Variants in WWOX observed in about 807,000 individuals in gnomAD.
WWOX encodes the protein WW domain containing oxidoreductase, also known as WW domain-containing oxidoreductase.
Under a neutral mutation model 46.2 loss-of-function variants are expected in WWOX, and 69 were observed. The ratio of observed to expected loss-of-function variants is 1.49; its 90% CI spans 1.23 to 1.82. WWOX has a LOEUF of 1.82. Among genes scored for constraint, WWOX ranks in the 40% most tolerant of loss-of-function variants. WWOX has a pLI of 0.00. For synonymous variants in WWOX, 359 were observed against 202.6 expected, an observed-to-expected ratio of 1.77 and a Z score of -6.56; for missense variants, 919 against 542.6, an observed-to-expected ratio of 1.69 and a Z score of -6.89.
intron 3 of WWOX, among the ~76,000 whole-genome samples, chr16:78,112,944 G>A (rs1028846818): frequency 2.6e-5 from 4 of 151,944 alleles, no homozygotes; most frequent in South Asian, 4.1e-4. Context: ...GGCCTTCAGC[G>A]ATCCTCCTGC....
At chr16:78,607,268 T>C (rs928931876) in intron 8 of WWOX, among the ~76,000 whole-genome samples, 13 of 152,212 alleles carry the variant, frequency 8.5e-5, no homozygotes, top group African/African-American at 3.1e-4. Context: ...TTTAATAAAC[T>C]ATATTAAAAA....
At chr16:78,667,985 A>T (rs2047372301) in intron 8 of WWOX, among the ~76,000 whole-genome samples, 1 of 151,832 alleles carries the variant, frequency 6.6e-6, no homozygotes, top group Non-Finnish European at 1.5e-5. Context: ...AGCCATCAAA[A>T]CCATACAACT....
At chr16:78,592,097 TC>T (rs928511720) in intron 8 of WWOX, among the ~76,000 whole-genome samples, 12 of 152,270 alleles carry the variant, frequency 7.9e-5, no homozygotes, top group African/African-American at 2.6e-4. Context: ...TCAGCTGCAG[TC>T]AATATCCATT....
At chr16:78,137,147 A>T (rs2033823906) in intron 4 of WWOX, among the ~76,000 whole-genome samples, 1 of 152,326 alleles carries the variant, frequency 6.6e-6, no homozygotes, top group Non-Finnish European at 1.5e-5. Flanking sequence ...CCAGAAAGAC[A>T]CATCTGAAAT....
intron 8 of WWOX, among the ~76,000 whole-genome samples, chr16:78,746,166 C>G (rs2049343007): frequency 6.6e-6 from 1 of 152,136 alleles, no homozygotes; most frequent in South Asian, 2.1e-4. Flanking sequence ...GGGCATTTGT[C>G]AAAGCAGGGT....
chr16:78,209,069 A>G (rs1456488345), intron 5 of WWOX, among the ~76,000 whole-genome samples: 1 of 152,228 alleles, frequency 6.6e-6, no homozygotes, highest in South Asian at 2.1e-4. Context: ...TTTATGTGTA[A>G]TGTCTATTTC....
intron 8 of WWOX, among the ~76,000 whole-genome samples, chr16:78,944,734 C>T (rs565859099): frequency 1.6e-4 from 24 of 152,292 alleles, no homozygotes; most frequent in African/African-American, 5.1e-4. Context: ...TAGGACTGCA[C>T]TGCTGCTTAT....
chr16:78,677,635 C>A (rs536024253), intron 8 of WWOX, among the ~76,000 whole-genome samples: 1 of 152,302 alleles, frequency 6.6e-6, no homozygotes, highest in East Asian at 1.9e-4. Context: ...TTTATGATAC[C>A]TGCCTGGGGC....
intron 8 of WWOX, among the ~76,000 whole-genome samples, chr16:78,436,529 A>T (rs1213256632): frequency 6.6e-6 from 1 of 152,190 alleles, no homozygotes; most frequent in East Asian, 1.9e-4. Flanking sequence ...TAGTGTATTT[A>T]TATATTTAAG....
At chr16:79,153,309 G>T (rs1269190138) in intron 8 of WWOX, among the ~76,000 whole-genome samples, 1 of 152,052 alleles carries the variant, frequency 6.6e-6, no homozygotes, top group South Asian at 2.1e-4. Flanking sequence ...AATTTTTCTG[G>T]AGGGTCTAGA....
intron 5 of WWOX, among the ~76,000 whole-genome samples, chr16:78,184,438 T>A (rs2035631279): frequency 6.6e-6 from 1 of 152,092 alleles, no homozygotes; most frequent in Admixed American, 6.6e-5. Context: ...ATGAACTTAG[T>A]GACTGACAAT....
chr16:78,691,657 G>A (rs1311845330), intron 8 of WWOX, among the ~76,000 whole-genome samples: 6 of 152,168 alleles, frequency 3.9e-5, no homozygotes, highest in African/African-American at 1.4e-4. Context: ...GCAGTGAGCC[G>A]TGTTGCTGCC....
intron 8 of WWOX, among the ~76,000 whole-genome samples, chr16:78,770,799 T>A (rs1415090045): frequency 1.8e-4 from 9 of 50,990 alleles, no homozygotes; most frequent in Non-Finnish European, 4.4e-4. Context: ...AAGGGGAAAC[T>A]CTTCTTTCCT....
At chr16:79,108,638 A>G (rs2049356107) in intron 8 of WWOX, among the ~76,000 whole-genome samples, 1 of 152,200 alleles carries the variant, frequency 6.6e-6, no homozygotes, top group Admixed American at 6.5e-5. Flanking sequence ...ATGGTGGCTC[A>G]AGCCTGTAAT....
intron 8 of WWOX, among the ~76,000 whole-genome samples, chr16:78,679,425 C>T (rs1054558176): frequency 1.3e-5 from 2 of 152,110 alleles, no homozygotes; most frequent in Non-Finnish European, 2.9e-5. Context: ...GTGGTGTGGG[C>T]CTGTAATCCC....
rs866483340 is a variant in WWOX at position 78,572,091 on chromosome 16, G to C, written c.1056+139339G>C. On this transcript the variant is annotated intron_variant, in intron 8 of 8. Transcript: ENST00000566780. Reference sequence around the variant, plus strand: ...ATTTGGTTCCTATAAAGATGCCTTAGAGAAACTGTTGAGAACTAGGAAAAG... The same window carrying C: ...ATTTGGTTCCTATAAAGATGCCTTACAGAAACTGTTGAGAACTAGGAAAAG... Among the ~76,000 whole-genome samples, 4 of 152,294 alleles carry C rather than the reference G, an allele frequency of 2.6e-5. No individual in the cohort carries two copies. In the South Asian group the frequency reaches 8.3e-4, roughly 32 times the overall value.
intron 8 of WWOX, among the ~76,000 whole-genome samples, chr16:78,436,317 C>G (rs1167788904): frequency 2.0e-5 from 3 of 152,098 alleles, no homozygotes; most frequent in Admixed American, 1.3e-4. Context: ...GAAAGGGCGT[C>G]CAGGTGAAGG....
At chr16:78,409,918 A>G (rs2082637518) in intron 6 of WWOX, among the ~76,000 whole-genome samples, 1 of 152,212 alleles carries the variant, frequency 6.6e-6, no homozygotes, top group African/African-American at 2.4e-5. Flanking sequence ...TAGATTATCT[A>G]GCATGAGCTC....
chr16:78,581,791 A>T (rs546356710), intron 8 of WWOX, among the ~76,000 whole-genome samples: 19 of 152,300 alleles, frequency 1.2e-4, no homozygotes, highest in Middle Eastern at 3.4e-3. Flanking sequence ...CTTAATACAA[A>T]AGTTTTCCCC....
Sources: gnomAD v4.1 joint callset for allele counts (sites outside exome capture counted in the v4.1 genomes callset) on GRCh38, gnomAD v4.1.1 for gene constraint, MANE v1.5 for transcripts, NCBI Gene and HGNC (gene_info 2026-07-23, HGNC 2026-07-21) for gene names.